Variants in ITGA8 observed in about 807,000 individuals in gnomAD.
ITGA8 encodes integrin alpha-8.
A neutral mutation model predicts 142.3 loss-of-function variants in ITGA8; 91 were observed. That is an observed-to-expected ratio of 0.64 (90% CI 0.54 to 0.76). ITGA8 has a LOEUF of 0.76. Among genes scored for constraint, ITGA8 ranks in the 30% least tolerant of loss-of-function variants. The pLI, the probability that ITGA8 is intolerant of heterozygous loss-of-function variation, is 0.00. For missense variants in ITGA8, 1,406 were observed against 1,327.7 expected (o/e 1.06, Z -0.92); for synonymous variants, 505 against 485.2 (o/e 1.04, Z -0.54).
chr10:15,585,897 T>C (rs931224829), intron 23 of ITGA8, among the ~76,000 whole-genome samples: 1 of 152,098 alleles, frequency 6.6e-6, no homozygotes, highest in Non-Finnish European at 1.5e-5. Context: ...CCAGATGTGG[T>C]GTGGTAAGGC....
chr10:15,557,329 G>A (rs887251575), intron 26 of ITGA8, among the ~76,000 whole-genome samples: 1 of 152,148 alleles, frequency 6.6e-6, no homozygotes, highest in Non-Finnish European at 1.5e-5. Flanking sequence ...GCAGTGAGCT[G>A]AGATTGCACC....
intron 3 of ITGA8, among the ~76,000 whole-genome samples, chr10:15,686,219 C>G (rs1211462152): frequency 6.6e-6 from 1 of 152,144 alleles, no homozygotes; most frequent in African/African-American, 2.4e-5. Context: ...AAAGATAACT[C>G]CTAGTCTCAA....
intron 12 of ITGA8, among the ~76,000 whole-genome samples, chr10:15,646,295 T>C (rs1050559258): frequency 2.6e-5 from 4 of 152,234 alleles, no homozygotes; most frequent in South Asian, 2.1e-4. Flanking sequence ...AAGTTTAAAG[T>C]TGAACATTTG....
Position 15,632,965 on chromosome 10 carries a change from G to A in ITGA8, c.1399+11065C>T, listed in dbSNP as rs546240278. Among the ~76,000 whole-genome samples the A allele has an allele frequency of 2.0e-4, 30 of 152,142 alleles. No homozygotes were observed. In the South Asian group the frequency reaches 2.1e-3, roughly 11 times the overall value. ...TGCCCTGGCCTTGCTGCTACATCAC[G>A]TGGTTCATCTCATTATCCTCCCCTG... On this transcript the variant is annotated intron_variant, in intron 13 of 29. Transcript: ENST00000378076.
intron 23 of ITGA8, among the ~76,000 whole-genome samples, chr10:15,584,168 G>A (rs937236570): frequency 6.6e-6 from 1 of 152,026 alleles, no homozygotes; most frequent in African/African-American, 2.4e-5. Context: ...ATGGTAGCAG[G>A]TGCCTGTAAT....
intron 13 of ITGA8, among the ~76,000 whole-genome samples, chr10:15,639,314 A>T (rs976201174): frequency 7.2e-5 from 11 of 152,166 alleles, no homozygotes; most frequent in African/African-American, 2.7e-4. Flanking sequence ...GAAAAGGCGC[A>T]TCTGACTCCT....
At chr10:15,640,805 A>G (rs1447638797) in intron 13 of ITGA8, among the ~76,000 whole-genome samples, 4 of 152,202 alleles carry the variant, frequency 2.6e-5, no homozygotes, top group African/African-American at 9.6e-5. Context: ...GGACTGAAAG[A>G]GGCTAACAGA....
At chr10:15,526,099 A>C (rs1363358470) in intron 28 of ITGA8, among the ~76,000 whole-genome samples, 1 of 152,198 alleles carries the variant, frequency 6.6e-6, no homozygotes, top group Non-Finnish European at 1.5e-5. Flanking sequence ...ACCATGTTGG[A>C]CTGCATAGTT....
At chr10:15,601,503 G>T (rs771333289) in intron 20 of ITGA8, among the ~76,000 whole-genome samples, 6 of 152,092 alleles carry the variant, frequency 3.9e-5, no homozygotes, top group Admixed American at 2.6e-4. Flanking sequence ...CAGTGCTGAT[G>T]GTTGCACTAC....
intron 15 of ITGA8, among the ~76,000 whole-genome samples, chr10:15,610,337 A>G (rs1833269811): frequency 6.6e-6 from 1 of 152,214 alleles, no homozygotes; most frequent in Admixed American, 6.5e-5. Flanking sequence ...CACAGGTCAT[A>G]TGGAGCATAG....
At chr10:15,547,831 G>A (rs1261311449) in intron 27 of ITGA8, among the ~76,000 whole-genome samples, 1 of 152,046 alleles carries the variant, frequency 6.6e-6, no homozygotes, top group African/African-American at 2.4e-5. Context: ...CTTGGATTAT[G>A]TTCTCATACT....
At chr10:15,714,011 C>T (rs1308540476) in intron 2 of ITGA8, among the ~76,000 whole-genome samples, 1 of 152,162 alleles carries the variant, frequency 6.6e-6, no homozygotes, top group Non-Finnish European at 1.5e-5. Context: ...CTTATGTGGG[C>T]TCCTAACTGT....
At chr10:15,718,727 A>T (rs1835499656) in intron 2 of ITGA8, 39 bp downstream of exon 2, 1 of 1,607,564 alleles carries the variant, frequency 6.2e-7, no homozygotes. Context: ...GGTTCTTCCA[A>T]ACCCAGGCCC....
chr10:15,526,527 A>T (rs1160209099), intron 28 of ITGA8, among the ~76,000 whole-genome samples: 1 of 152,166 alleles, frequency 6.6e-6, no homozygotes, highest in Non-Finnish European at 1.5e-5. Flanking sequence ...AAGACAAAGC[A>T]TATTTAGGAC....
chr10:15,678,825 C>T, intron 4 of ITGA8, 42 bp from the exon 5 acceptor site: 1 of 1,305,640 alleles, frequency 7.7e-7, no homozygotes, highest in Non-Finnish European at 1.1e-6. Context: ...CGTTATCATT[C>T]CTGAAATATT....
intron 2 of ITGA8, 108 bp downstream of exon 2, chr10:15,718,658 C>T: frequency 1.4e-6 from 2 of 1,393,384 alleles, no homozygotes; most frequent in Middle Eastern, 2.1e-4. Flanking sequence ...ACGGACATAT[C>T]AGACAAGCTA....
chr10:15,524,831 T>C (rs1833138332), intron 28 of ITGA8, among the ~76,000 whole-genome samples: 2 of 152,196 alleles, frequency 1.3e-5, no homozygotes, highest in Non-Finnish European at 2.9e-5. Flanking sequence ...CAAAACTTTG[T>C]TATTTCTAAT....
intron 2 of ITGA8, among the ~76,000 whole-genome samples, chr10:15,713,078 G>T (rs1835390253): frequency 1.3e-5 from 2 of 152,164 alleles, no homozygotes; most frequent in Admixed American, 1.3e-4. Flanking sequence ...AGTTGCTATG[G>T]GCTGTAGGGA....
chr10:15,546,794 AAAT>A (rs1833680141), intron 27 of ITGA8, among the ~76,000 whole-genome samples: 1 of 136,546 alleles, frequency 7.3e-6, no homozygotes, highest in Non-Finnish European at 1.5e-5. Flanking sequence ...AGCAATGAAA[AAAT>A]AAAGAAAGGA....
Sources: gnomAD v4.1 joint callset for allele counts (sites outside exome capture counted in the v4.1 genomes callset) on GRCh38, gnomAD v4.1.1 for gene constraint, MANE v1.5 for transcripts, NCBI Gene and HGNC (gene_info 2026-07-23, HGNC 2026-07-21) for gene names.